Variants in DOCK10 observed in about 807,000 individuals in gnomAD.
DOCK10 encodes the protein dedicator of cytokinesis protein 10.
In DOCK10, 145 loss-of-function variants were observed where a neutral mutation model predicts 280.1. That is an observed-to-expected ratio of 0.52 (90% confidence interval 0.45 to 0.59). The LOEUF (loss-of-function observed/expected upper bound fraction) is 0.59. DOCK10 is among the 20% of genes least tolerant of loss of function. The probability of loss-of-function intolerance (pLI) is 0.00; values close to 1 mark genes in which losing one functional copy is unlikely to be tolerated. For synonymous variants in DOCK10, 915 were observed against 942.2 expected, an observed-to-expected ratio of 0.97 and a Z score of 0.53; for missense variants, 2,368 against 2,651.7, an observed-to-expected ratio of 0.89 and a Z score of 2.35.
intron 1 of DOCK10, among the ~76,000 whole-genome samples, chr2:225,038,401 A>G (rs1207009535): frequency 4.6e-5 from 7 of 152,104 alleles, no homozygotes; most frequent in Non-Finnish European, 7.4e-5. Flanking sequence ...TTACTTCTCA[A>G]TCAAAGCTCT....
chr2:224,797,572 G>A (rs768589693), intron 42 of DOCK10, among the ~76,000 whole-genome samples: 4 of 152,036 alleles, frequency 2.6e-5, no homozygotes, highest in Non-Finnish European at 5.9e-5. Flanking sequence ...ACTTGGTGCC[G>A]CAAACACAGA....
intron 3 of DOCK10, among the ~76,000 whole-genome samples, chr2:224,910,234 AT>A (rs1418568287): frequency 6.6e-6 from 1 of 152,208 alleles, no homozygotes; most frequent in Non-Finnish European, 1.5e-5. Context: ...CAATGAATTC[AT>A]TTCAGTGCTA....
Position 224,774,929 on chromosome 2 carries a change from A to G in DOCK10, c.5989T>C (p.Cys1997Arg). The G allele has an allele frequency of 6.2e-7, 1 of 1,603,234 alleles. No homozygotes were observed. Among genetic ancestry groups the G allele is most frequent in the South Asian group, 1.1e-5 (1 of 89,296 alleles). The change falls in exon 52 of 56, where the codon TGC (cysteine) becomes CGC (arginine). Residue 1997 changes from cysteine (C) to arginine (R), a missense_variant. Physicochemically the swap from Cys to Arg is radical, Grantham distance 180 (BLOSUM62 -3). Around this residue, in one of 2 missense-constraint regions of DOCK10, gnomAD observed 1,159 missense variants for 1,400.8 expected, o/e 0.83. Transcript: ENST00000258390. ...CTTGTCAGGATCGTCCGCCGCTTGCACTGCTCCGCCACCCCACCGTGCTTC... is the reference window on the plus strand; with the variant it reads ...CTTGTCAGGATCGTCCGCCGCTTGCGCTGCTCCGCCACCCCACCGTGCTTC... ...GKKHGGVAEQCKRRTILTTSH... is the reference protein window; with the variant it reads ...GKKHGGVAEQRKRRTILTTSH...
intron 26 of DOCK10, 103 bp from the exon 27 acceptor site, chr2:224,830,715 T>A: frequency 1.8e-6 from 1 of 553,312 alleles, no homozygotes; most frequent in Non-Finnish European, 3.0e-6. Context: ...TATGTTAAAA[T>A]GTATTCTTTG....
At chr2:224,992,384 A>G (rs1047004193) in intron 1 of DOCK10, among the ~76,000 whole-genome samples, 4 of 152,234 alleles carry the variant, frequency 2.6e-5, no homozygotes, top group Admixed American at 2.6e-4. Flanking sequence ...ATCAATTTTA[A>G]AGATAAAAAG....
chr2:224,960,730 C>CTTTTTTTTTTTTT (rs71281764), intron 1 of DOCK10, among the ~76,000 whole-genome samples: 1 of 70,258 alleles, frequency 1.4e-5, no homozygotes, highest in African/African-American at 5.4e-5. Context: ...TCACCAAATT[C>CTTTTTTTTTTTTT]TTTTTTTTTT....
At chr2:224,916,852 A>C (rs1215077329) in intron 2 of DOCK10, 68 bp from the exon 3 acceptor site, 1 of 1,209,192 alleles carries the variant, frequency 8.3e-7, no homozygotes, top group East Asian at 2.5e-5. Context: ...AGCACACTGA[A>C]CACACAAAAG....
chr2:224,944,188 T>A (rs573276290), intron 1 of DOCK10, among the ~76,000 whole-genome samples: 3 of 152,326 alleles, frequency 2.0e-5, no homozygotes, highest in South Asian at 4.1e-4. Context: ...AAATAAACTG[T>A]ATTGACACAT....
chr2:224,944,625 A>G (rs1440886139), intron 1 of DOCK10, among the ~76,000 whole-genome samples: 2 of 152,188 alleles, frequency 1.3e-5, no homozygotes, highest in African/African-American at 2.4e-5. Context: ...GGCAGGTGAG[A>G]GCGGCAGGGA....
intron 41 of DOCK10, 133 bp from the exon 42 acceptor site, chr2:224,798,102 G>A (rs1240570349): frequency 1.6e-5 from 13 of 835,818 alleles, no homozygotes; most frequent in Non-Finnish European, 2.4e-5. Flanking sequence ...TGAACAAGGA[G>A]ACACAGTTCA....
chr2:224,954,633 C>T (rs1298258127), intron 1 of DOCK10, among the ~76,000 whole-genome samples: 1 of 152,148 alleles, frequency 6.6e-6, no homozygotes, highest in Non-Finnish European at 1.5e-5. Context: ...CCTCAGAAGC[C>T]AGGGCATAAC....
intron 1 of DOCK10, among the ~76,000 whole-genome samples, chr2:225,036,428 A>G (rs1690261857): frequency 6.6e-6 from 1 of 152,226 alleles, no homozygotes; most frequent in Non-Finnish European, 1.5e-5. Context: ...GACCCTCATC[A>G]ATTGACTTTA....
At chr2:224,896,429 C>T (rs945093605) in intron 3 of DOCK10, 52 bp from the exon 4 acceptor site, 3 of 1,230,542 alleles carry the variant, frequency 2.4e-6, no homozygotes, top group Admixed American at 2.2e-5. Flanking sequence ...CATTAAAAGG[C>T]TGGGCGCGGT....
chr2:224,817,713 A>C (rs1694225768), intron 29 of DOCK10, among the ~76,000 whole-genome samples: 1 of 152,208 alleles, frequency 6.6e-6, no homozygotes, highest in African/African-American at 2.4e-5. Context: ...CAAATGAAGA[A>C]TATACTTTCA....
chr2:224,802,590 C>T (rs1693089010), intron 39 of DOCK10, among the ~76,000 whole-genome samples: 1 of 152,118 alleles, frequency 6.6e-6, no homozygotes, highest in African/African-American at 2.4e-5. Context: ...ACCTCTGTGC[C>T]TCTGTGCTTC....
intron 18 of DOCK10, among the ~76,000 whole-genome samples, chr2:224,850,928 C>T (rs1202985168): frequency 2.0e-5 from 3 of 152,096 alleles, no homozygotes; most frequent in African/African-American, 4.8e-5. Flanking sequence ...TACCCAGTCT[C>T]GGGTAGTATC....
chr2:224,784,594 A>C, intron 50 of DOCK10: 1 of 730,876 alleles, frequency 1.4e-6, no homozygotes, highest in Non-Finnish European at 2.0e-6. Context: ...TGACTCCAAA[A>C]ATGAATGAAA....
chr2:225,028,624 G>C (rs971408912), intron 1 of DOCK10, among the ~76,000 whole-genome samples: 3 of 152,194 alleles, frequency 2.0e-5, no homozygotes, highest in African/African-American at 7.2e-5. Flanking sequence ...TCTCTGCAAA[G>C]TCACAGCAGC....
chr2:224,958,980 T>C (rs535856307), intron 1 of DOCK10, among the ~76,000 whole-genome samples: 2 of 152,336 alleles, frequency 1.3e-5, no homozygotes, highest in African/African-American at 4.8e-5. Flanking sequence ...AAGGGTATCA[T>C]AGATTGGGAA....
Sources: allele counts gnomAD v4.1 joint callset (sites outside exome capture counted in the v4.1 genomes callset), GRCh38; gene constraint gnomAD v4.1.1; regional missense constraint gnomAD v4.1.1; transcripts MANE v1.5; gene names NCBI Gene and HGNC (gene_info 2026-07-23, HGNC 2026-07-21).